The following CD2AP variants were observed in gnomAD, a reference collection of about 807,000 sequenced individuals.
CD2AP encodes the protein CD2 associated protein.
A neutral mutation model predicts 85.1 loss-of-function variants in CD2AP; 46 were observed. The observed-to-expected ratio is 0.54, with a 90% CI of 0.43 to 0.69. CD2AP has a LOEUF of 0.69. CD2AP is among the 30% of genes least tolerant of loss of function. The pLI, the probability that CD2AP is intolerant of heterozygous loss-of-function variation, is 0.00. For missense variants in CD2AP, 769 were observed against 729.5 expected (o/e 1.05, Z -0.62); for synonymous variants, 255 against 252.9 (o/e 1.01, Z -0.08).
chr6:47,526,732 A>T (rs2114014601), intron 2 of CD2AP, among the ~76,000 whole-genome samples: 1 of 152,292 alleles, frequency 6.6e-6, no homozygotes, highest in Admixed American at 6.5e-5. Context: ...GAGGAACAGG[A>T]TTTGAATAGT....
chr6:47,536,226 A>ATT (rs60736098), intron 3 of CD2AP, among the ~76,000 whole-genome samples: 105 of 144,902 alleles, frequency 7.2e-4, no homozygotes, highest in African/African-American at 2.5e-3. Context: ...ATTAAACTTG[A>ATT]TTTTTTTTTT....
chr6:47,602,664 AGAGACTAGCCTGGGCAGCATAGT>A (rs1277884590), intron 13 of CD2AP, among the ~76,000 whole-genome samples: 8 of 151,720 alleles, frequency 5.3e-5, no homozygotes, highest in Non-Finnish European at 1.0e-4. Flanking sequence ...TCCAGGAGTT[AGAGACTAGCCTGGGCAGCATAGT>A]GAGACTAGCC....
rs1484802017 is a variant in CD2AP at position 47,503,524 on chromosome 6, T to A, written c.165+84T>A. ...TAAGAAATAGATATACTTTTAAAAT[T>A]AAAATGTTTTAGATAAATGTTTTCT... On this transcript the variant is annotated intron_variant, in intron 2 of 17. Transcript: ENST00000359314. The A allele has an allele frequency of 2.5e-6, 3 of 1,200,870 alleles. No homozygotes were observed. The African/African-American group carries it at 4.6e-5, about 18-fold the overall frequency. 74.4% of individuals were successfully genotyped at this position (1,200,870 alleles called of 1,614,324 possible). A position where few individuals can be genotyped will look rare whatever the true frequency, so the allele number is the denominator to read the frequency against.
chr6:47,599,092 A>G (rs1769032724), intron 12 of CD2AP, among the ~76,000 whole-genome samples: 1 of 140,138 alleles, frequency 7.1e-6, no homozygotes, highest in Non-Finnish European at 1.7e-5. Flanking sequence ...TTATGTTATA[A>G]TAATTTTCTA....
chr6:47,548,903 G>A (rs1379954985), intron 4 of CD2AP, among the ~76,000 whole-genome samples: 1 of 151,980 alleles, frequency 6.6e-6, no homozygotes. Flanking sequence ...TTTAACATAC[G>A]CAAGTCAGTA....
intron 2 of CD2AP, among the ~76,000 whole-genome samples, chr6:47,527,113 C>CCCT (rs1554170260): frequency 0.23 from 34,960 of 151,616 alleles, 4,096 homozygotes; most frequent in African/African-American, 0.26. Context: ...GACTCCCCCC[C>CCCT]GATTGAAAAA....
At chr6:47,570,277 T>G (rs1163287455) in intron 5 of CD2AP, among the ~76,000 whole-genome samples, 1 of 152,160 alleles carries the variant, frequency 6.6e-6, no homozygotes, top group Non-Finnish European at 1.5e-5. Flanking sequence ...GCTTTTGCTA[T>G]AGAGATTTAA....
At chr6:47,593,630 A>C (rs1768859540) in intron 11 of CD2AP, among the ~76,000 whole-genome samples, 1 of 152,076 alleles carries the variant, frequency 6.6e-6, no homozygotes, top group African/African-American at 2.4e-5. Context: ...AGATGGTTAA[A>C]AATTTTTTTA....
intron 3 of CD2AP, among the ~76,000 whole-genome samples, chr6:47,542,543 G>T (rs1767243241): frequency 6.6e-6 from 1 of 152,106 alleles, no homozygotes; most frequent in East Asian, 1.9e-4. Flanking sequence ...CCTTATGAAA[G>T]GGCAGGAGGG....
chr6:47,555,305 A>C (rs1767651572), intron 5 of CD2AP, among the ~76,000 whole-genome samples: 1 of 152,170 alleles, frequency 6.6e-6, no homozygotes, highest in Admixed American at 6.5e-5. Flanking sequence ...CCAAAGCTAG[A>C]TTTAAATTTT....
chr6:47,546,084 C>A (rs910076856), intron 4 of CD2AP, among the ~76,000 whole-genome samples: 2 of 151,286 alleles, frequency 1.3e-5, no homozygotes, highest in Admixed American at 6.6e-5. Context: ...AAGATGAAGC[C>A]CAGTTTAAGG....
At chr6:47,544,497 C>A in intron 3 of CD2AP, 109 bp from the exon 4 acceptor site, 1 of 756,680 alleles carries the variant, frequency 1.3e-6, no homozygotes, top group Non-Finnish European at 2.3e-6. Flanking sequence ...CTCATACGTT[C>A]TGTTTTTATT....
chr6:47,556,835 T>C (rs1404026128), intron 5 of CD2AP, among the ~76,000 whole-genome samples: 1 of 152,200 alleles, frequency 6.6e-6, no homozygotes, highest in Non-Finnish European at 1.5e-5. Context: ...TTTGGGTGTA[T>C]ACCCAGTAAT....
At chr6:47,582,264 CTATT>C (rs979133921) in intron 11 of CD2AP, 199 bp downstream of exon 11, 2 of 517,088 alleles carry the variant, frequency 3.9e-6, no homozygotes, top group Non-Finnish European at 7.1e-6. Context: ...AAAAATTAAA[CTATT>C]CAGTAGGATG....
chr6:47,588,394 G>C (rs141306036), intron 11 of CD2AP, among the ~76,000 whole-genome samples: 3 of 152,094 alleles, frequency 2.0e-5, no homozygotes, highest in Non-Finnish European at 4.4e-5. Flanking sequence ...TAATACATAG[G>C]GAATACTTAA....
At chr6:47,539,724 G>GC (rs1276334555) in intron 3 of CD2AP, among the ~76,000 whole-genome samples, 1 of 152,098 alleles carries the variant, frequency 6.6e-6, no homozygotes, top group African/African-American at 2.4e-5. Context: ...TTAGAATAGT[G>GC]CTGGTACATG....
At chr6:47,512,232 C>T (rs1766337152) in intron 2 of CD2AP, among the ~76,000 whole-genome samples, 2 of 152,054 alleles carry the variant, frequency 1.3e-5, no homozygotes, top group South Asian at 4.2e-4. Flanking sequence ...GTCCCAGCCA[C>T]CCAGGAGGCT....
intron 2 of CD2AP, among the ~76,000 whole-genome samples, chr6:47,531,847 C>T (rs535892830): frequency 2.0e-5 from 3 of 151,928 alleles, no homozygotes; most frequent in Non-Finnish European, 4.4e-5. Context: ...TCGAGGCAGG[C>T]AGATCACCTG....
Position 47,529,308 on chromosome 6 carries a change from G to C in CD2AP, c.166-4294G>C, listed in dbSNP as rs578255344. ...GTTGATGAAAAAAAATTGGTTCCTA[G>C]CTGGGGCCACTGTCTGTGGAGTTTG... On this transcript the variant is annotated intron_variant, in intron 2 of 17. Transcript: ENST00000359314. Among the ~76,000 whole-genome samples, 3 of 151,498 alleles carry C rather than the reference G, an allele frequency of 2.0e-5. No individual in the cohort carries two copies. In the East Asian group the frequency reaches 5.9e-4, roughly 30 times the overall value.
Sources: gnomAD v4.1 joint callset for allele counts (sites outside exome capture counted in the v4.1 genomes callset) on GRCh38, gnomAD v4.1.1 for gene constraint, MANE v1.5 for transcripts, NCBI Gene and HGNC (gene_info 2026-07-23, HGNC 2026-07-21) for gene names.